PRKD1: variants seen among roughly 807,000 people sequenced by gnomAD.
The protein encoded by PRKD1 is protein kinase D1.
In PRKD1, 63 loss-of-function variants were observed where a neutral mutation model predicts 95.9. The ratio of observed to expected loss-of-function variants is 0.66; its 90% CI spans 0.54 to 0.81. The LOEUF is 0.81. Ranked by LOEUF, PRKD1 falls within the 30% of genes least tolerant of loss-of-function variation. The pLI is 0.00. For synonymous variants in PRKD1, 425 were observed against 423.1 expected (o/e 1.00, Z -0.05); for missense variants, 1,048 against 1,165.3 (o/e 0.90, Z 1.47).
At chr14:29,614,479 A>G (rs1002831111) in intron 13 of PRKD1, among the ~76,000 whole-genome samples, 1 of 152,180 alleles carries the variant, frequency 6.6e-6, no homozygotes, top group Non-Finnish European at 1.5e-5. Flanking sequence ...TCACTCACCA[A>G]TTTATGAACT....
intron 4 of PRKD1, among the ~76,000 whole-genome samples, chr14:29,662,767 C>CT (rs1463548078): frequency 7.9e-5 from 12 of 152,034 alleles, no homozygotes; most frequent in African/African-American, 2.9e-4. Flanking sequence ...CAAGAGGGAT[C>CT]TATTCAACCT....
At chr14:29,747,674 C>T (rs1887292006) in intron 1 of PRKD1, among the ~76,000 whole-genome samples, 1 of 152,102 alleles carries the variant, frequency 6.6e-6, no homozygotes, top group South Asian at 2.1e-4. Context: ...TTCAGAAACA[C>T]TAGGCCAAGT....
chr14:29,608,796 T>A (rs1484839811), intron 13 of PRKD1, among the ~76,000 whole-genome samples: 1 of 152,196 alleles, frequency 6.6e-6, no homozygotes, highest in Non-Finnish European at 1.5e-5. Flanking sequence ...GGTTATTGCC[T>A]ATGAACATGT....
intron 13 of PRKD1, among the ~76,000 whole-genome samples, chr14:29,611,389 A>G (rs1307698767): frequency 1.3e-5 from 2 of 152,086 alleles, no homozygotes; most frequent in Non-Finnish European, 2.9e-5. Context: ...CTCTAAGCCC[A>G]TCATCTGGGC....
chr14:29,670,596 G>A (rs1882783404), intron 2 of PRKD1, among the ~76,000 whole-genome samples: 1 of 152,164 alleles, frequency 6.6e-6, no homozygotes, highest in African/African-American at 2.4e-5. Context: ...TTGTCCATGA[G>A]GCAGGGAACT....
At chr14:29,787,997 T>C (rs1430085022) in intron 1 of PRKD1, among the ~76,000 whole-genome samples, 1 of 152,192 alleles carries the variant, frequency 6.6e-6, no homozygotes, top group Non-Finnish European at 1.5e-5. Context: ...CTCATTTGTG[T>C]ATCTGCAATA....
intron 1 of PRKD1, among the ~76,000 whole-genome samples, chr14:29,877,367 T>C (rs1261719279): frequency 1.3e-5 from 2 of 152,198 alleles, no homozygotes; most frequent in African/African-American, 4.8e-5. Context: ...TACATTTAAG[T>C]TCCTTACAGA....
intron 1 of PRKD1, among the ~76,000 whole-genome samples, chr14:29,918,775 A>C (rs189071785): frequency 1.5e-4 from 23 of 152,310 alleles, no homozygotes; most frequent in Non-Finnish European, 3.1e-4. Context: ...ATTACTGTGG[A>C]TATTTACATA....
At chr14:29,603,283 T>A (rs1389119256) in intron 13 of PRKD1, among the ~76,000 whole-genome samples, 1 of 152,232 alleles carries the variant, frequency 6.6e-6, no homozygotes, top group African/African-American at 2.4e-5. Context: ...AAGTTTATTT[T>A]AACATTTATT....
At position 29,634,654 on chromosome 14, in the gene PRKD1, C is replaced by A. The variant is rs1880250343; in HGVS notation, c.1191-113G>T. 2.9e-6 allele frequency: 4 copies of A among 1,383,774 alleles called. No individual in the cohort carries two copies. In the South Asian group the frequency reaches 4.9e-5, roughly 17 times the overall value. 85.7% of individuals were successfully genotyped at this position (1,383,774 alleles called of 1,614,324 possible). A position where few individuals can be genotyped will look rare whatever the true frequency, so the allele number is the denominator to read the frequency against. On this transcript the variant is annotated intron_variant, in intron 7 of 17. Coordinates refer to ENST00000331968, the MANE Select transcript of PRKD1 (RefSeq NM_002742.3). The stretch of plus-strand genomic sequence containing the variant: ...AAGTGAAACTTTACAAAATTCACAT[C>A]TCATGTTTAGTAAAACGTATTGTCA...
chr14:29,825,743 T>C (rs1891083726), intron 1 of PRKD1, among the ~76,000 whole-genome samples: 2 of 152,220 alleles, frequency 1.3e-5, no homozygotes, highest in East Asian at 1.9e-4. Flanking sequence ...ATAGTGGTTT[T>C]TGAAAGATAT....
intron 1 of PRKD1, among the ~76,000 whole-genome samples, chr14:29,885,591 C>G (rs903924261): frequency 1.3e-5 from 2 of 151,998 alleles, no homozygotes; most frequent in Admixed American, 6.6e-5. Flanking sequence ...GCTTCATCTC[C>G]TGGCAAAATC....
intron 2 of PRKD1, among the ~76,000 whole-genome samples, chr14:29,707,211 C>G (rs1408963775): frequency 6.6e-6 from 1 of 152,048 alleles, no homozygotes; most frequent in Admixed American, 6.5e-5. Flanking sequence ...ATATTGTTAT[C>G]CAATCCAGGC....
chr14:29,680,828 C>T (rs753810155), intron 2 of PRKD1, among the ~76,000 whole-genome samples: 8 of 152,054 alleles, frequency 5.3e-5, no homozygotes, highest in East Asian at 1.9e-4. Context: ...CATAGAGTTC[C>T]GATTTGAGGT....
At chr14:29,796,860 C>T (rs1214710724) in intron 1 of PRKD1, among the ~76,000 whole-genome samples, 1 of 152,034 alleles carries the variant, frequency 6.6e-6, no homozygotes, top group African/African-American at 2.4e-5. Flanking sequence ...AGTTGCACTG[C>T]AAAGGGAAAT....
At chr14:29,606,740 G>A (rs1181016419) in intron 13 of PRKD1, among the ~76,000 whole-genome samples, 2 of 152,138 alleles carry the variant, frequency 1.3e-5, no homozygotes, top group Admixed American at 6.5e-5. Flanking sequence ...TGAGAATAAA[G>A]AATTGAAAAT....
intron 1 of PRKD1, among the ~76,000 whole-genome samples, chr14:29,823,649 A>T (rs10147683): frequency 0.014 from 2,158 of 152,290 alleles, 46 homozygotes; most frequent in African/African-American, 0.049. Context: ...ATAAAAGGCA[A>T]GAAGGTTAAG....
At chr14:29,587,073 C>T (rs1319800466) in intron 16 of PRKD1, among the ~76,000 whole-genome samples, 1 of 152,122 alleles carries the variant, frequency 6.6e-6, no homozygotes, top group African/African-American at 2.4e-5. Flanking sequence ...GAAGAGAAGG[C>T]TGGGGGAGAC....
At chr14:29,848,012 T>C (rs1232891314) in intron 1 of PRKD1, among the ~76,000 whole-genome samples, 1 of 152,150 alleles carries the variant, frequency 6.6e-6, no homozygotes, top group Non-Finnish European at 1.5e-5. Flanking sequence ...GGAACTCTGA[T>C]GTCTATTGAA....
Sources: gnomAD v4.1 joint callset for allele counts (sites outside exome capture counted in the v4.1 genomes callset) on GRCh38, gnomAD v4.1.1 for gene constraint, MANE v1.5 for transcripts, NCBI Gene and HGNC (gene_info 2026-07-23, HGNC 2026-07-21) for gene names.